The following TBCK variants were observed in gnomAD, a reference collection of about 807,000 sequenced individuals.
The protein encoded by TBCK is TBC1 domain containing kinase.
TBCK carries 99 observed loss-of-function variants against 113.4 expected under a neutral mutation model. The observed-to-expected ratio is 0.87, with a 90% CI of 0.74 to 1.03. The LOEUF (loss-of-function observed/expected upper bound fraction) is 1.03, where lower values mean the gene tolerates loss of function less well. Ranked by LOEUF, TBCK falls within the 50% of genes least tolerant of loss-of-function variation. The pLI, the probability that TBCK is intolerant of heterozygous loss-of-function variation, is 0.00. For synonymous variants in TBCK, 369 were observed against 370.8 expected (o/e 1.00, Z 0.05); for missense variants, 1,045 against 1,061.3 (o/e 0.98, Z 0.21).
chr4:106,313,939 T>C (rs1361999690), intron 1 of TBCK, among the ~76,000 whole-genome samples: 1 of 152,184 alleles, frequency 6.6e-6, no homozygotes, highest in Admixed American at 6.5e-5. Flanking sequence ...TAAAAACCCA[T>C]TTGACCTTGA....
At chr4:106,114,590 C>T (rs1030650823) in intron 24 of TBCK, among the ~76,000 whole-genome samples, 19 of 152,162 alleles carry the variant, frequency 1.2e-4, no homozygotes, top group African/African-American at 4.1e-4. Context: ...TCCTCTAGCC[C>T]GCTTTTTCAC....
chr4:106,108,474 G>A (rs1742443244), intron 24 of TBCK, among the ~76,000 whole-genome samples: 1 of 152,092 alleles, frequency 6.6e-6, no homozygotes, highest in Non-Finnish European at 1.5e-5. Context: ...CAATAAATGT[G>A]ATTCATTACA....
chr4:106,116,061 G>A, intron 24 of TBCK, 142 bp downstream of exon 24: 2 of 699,940 alleles, frequency 2.9e-6, no homozygotes, highest in South Asian at 4.5e-5. Context: ...AGACCATTCT[G>A]GCATCCAGTT....
chr4:106,257,306 T>C (rs974842187), intron 5 of TBCK, among the ~76,000 whole-genome samples: 2 of 152,174 alleles, frequency 1.3e-5, no homozygotes, highest in African/African-American at 4.8e-5. Context: ...ACCAGTTAGA[T>C]TAAATTATGT....
At chr4:106,131,976 T>C (rs998672503) in intron 23 of TBCK, among the ~76,000 whole-genome samples, 2 of 152,118 alleles carry the variant, frequency 1.3e-5, no homozygotes, top group African/African-American at 2.4e-5. Context: ...ATAGAGATGA[T>C]TGAGGGTATC....
Position 106,046,546 on chromosome 4 carries a change from T to C in TBCK, c.*24A>G, listed in dbSNP as rs1734234350. 8 of 1,352,970 alleles carry C rather than the reference T, an allele frequency of 5.9e-6. No homozygotes were observed. Among genetic ancestry groups the C allele is most frequent in the Non-Finnish European group, 8.5e-6 (8 of 944,110 alleles). The allele number at this position is 1,352,970 out of a possible 1,614,324, so 83.8% of individuals were successfully genotyped here. A position where few individuals can be genotyped will look rare whatever the true frequency, so the allele number is the denominator to read the frequency against. Reference sequence around the variant, plus strand: ...TGTTGGTGCTGATGCCACACTAAGTTTTGGCAGTCACACTCTTGGTTCTTC... The same window carrying C: ...TGTTGGTGCTGATGCCACACTAAGTCTTGGCAGTCACACTCTTGGTTCTTC... On this transcript the variant is annotated 3_prime_UTR_variant, in exon 26 of 26. Coordinates refer to ENST00000394708, the MANE Select transcript of TBCK (RefSeq NM_001163435.3).
chr4:106,163,911 A>G (rs1750082523), intron 23 of TBCK, among the ~76,000 whole-genome samples: 1 of 152,134 alleles, frequency 6.6e-6, no homozygotes, highest in Non-Finnish European at 1.5e-5. Flanking sequence ...TTCATATTTT[A>G]ATCCAGGAAA....
At chr4:106,264,221 T>G (rs1004178511) in intron 3 of TBCK, among the ~76,000 whole-genome samples, 8 of 124,802 alleles carry the variant, frequency 6.4e-5, no homozygotes, top group Admixed American at 5.1e-4. Context: ...ATAGATAATG[T>G]GACATGTAGT....
chr4:106,193,642 TA>T lies in TBCK; in HGVS notation c.2025del (p.Phe675LeufsTer20), dbSNP rs749437743. 1.2e-6 allele frequency: 2 copies of T among 1,613,632 alleles called. No individual in the cohort carries two copies. Among genetic ancestry groups the T allele is most frequent in the Admixed American group, 1.7e-5 (1 of 59,966 alleles). On this transcript the variant is annotated frameshift_variant, in exon 22 of 26. Transcript: ENST00000394708. LOFTEE classifies it high-confidence loss of function. ...QLRDRLLANG[F>X]NECILLFSDL... ...TCGGAGAAGAGAAGAATACACTCAT[TA>T]AAGCCATTAGCCAAAAGCCGGTCCC...
chr4:106,176,889 T>A (rs886158530), intron 22 of TBCK, among the ~76,000 whole-genome samples: 1 of 151,956 alleles, frequency 6.6e-6, no homozygotes, highest in Non-Finnish European at 1.5e-5. Context: ...TCATTGGGGT[T>A]TTGATTTGCA....
chr4:106,192,413 TGCGAAACTA>T (rs149365242), intron 22 of TBCK, among the ~76,000 whole-genome samples: 6,818 of 152,132 alleles, frequency 0.045, 496 homozygotes, highest in African/African-American at 0.15. Flanking sequence ...ATTCCCAGTT[TGCGAAACTA>T]GCTTATTTAT....
At position 106,237,481 on chromosome 4, in the gene TBCK, G is replaced by A. The variant is rs537837825; in HGVS notation, c.1171-673C>T. 1.1e-3 allele frequency: 485 copies of A among 455,748 alleles called. 2 individuals are homozygous for A. Among genetic ancestry groups the A allele is most frequent in the Non-Finnish European group, 1.9e-3 (426 of 226,724 alleles). The allele number at this position is 455,748 out of a possible 1,614,324, so 28.2% of individuals were successfully genotyped here. A position where few individuals can be genotyped will look rare whatever the true frequency, so the allele number is the denominator to read the frequency against. ...CCTAAGCAAGGTGATTAAAGTTAAT[G>A]CCATCTTGCCTGCTGCTCTGCTGTT... On this transcript the variant is annotated intron_variant, in intron 12 of 25. Transcript: ENST00000394708.
In TBCK at chr4:106,233,009, T is replaced by G; in HGVS notation, c.1568A>C (p.Glu523Ala). 4 of 1,612,242 alleles carry G rather than the reference T, an allele frequency of 2.5e-6. No individual in the cohort carries two copies. Among genetic ancestry groups the G allele is most frequent in the Non-Finnish European group, 3.4e-6 (4 of 1,178,714 alleles). ...HQYDELLSSP[E>A]GHAKFRRVLK... ...TACACGCCTAAATTTTGCATGACCT[T>G]CTGGTGATGATAACAGTTCATCGTA... Residue 523 changes from glutamate (E) to alanine (A), a missense_variant, in exon 17 of 26, where the codon GAA (glutamate) becomes GCA (alanine). Glu to Ala is a moderately radical substitution (Grantham distance 107). Coordinates refer to ENST00000394708, the MANE Select transcript of TBCK (RefSeq NM_001163435.3).
At chr4:106,160,803 A>G (rs758099742) in intron 23 of TBCK, among the ~76,000 whole-genome samples, 1 of 152,084 alleles carries the variant, frequency 6.6e-6, no homozygotes, top group Non-Finnish European at 1.5e-5. Context: ...TCTTGAAGAG[A>G]TATTTATACA....
At position 106,171,124 on chromosome 4, in the gene TBCK, C is replaced by G. The variant is rs761673443; in HGVS notation, c.2206G>C (p.Glu736Gln). The G allele has an allele frequency of 4.3e-6, 7 of 1,611,612 alleles. No individual in the cohort carries two copies. The highest frequency in any genetic ancestry group is 5.1e-6 in the Non-Finnish European group (6 of 1,179,080). Residue 736 changes from glutamate to glutamine, a missense_variant, in exon 23 of 26, where the codon GAG becomes CAG. Transcript: ENST00000394708. ...TCTGTCTTTGGAGGATCTGGACACT[C>G]AGCAGAGAAATAAGGTGCCGAACTT... The part of the protein sequence containing the change: ...GRSSAPYFSA[E>Q]CPDPPKTDLS...
chr4:106,288,014 A>C (rs956984573), intron 3 of TBCK, among the ~76,000 whole-genome samples: 1 of 152,134 alleles, frequency 6.6e-6, no homozygotes. Flanking sequence ...TAAAAAAGTC[A>C]GTGGCTCAAA....
At chr4:106,083,074 G>A (rs577900828) in intron 25 of TBCK, among the ~76,000 whole-genome samples, 58 of 152,320 alleles carry the variant, frequency 3.8e-4, no homozygotes, top group African/African-American at 1.1e-3. Flanking sequence ...TAACTCTTGC[G>A]GGGAGAGGCG....
At chr4:106,216,464 C>A (rs143999404) in intron 19 of TBCK, among the ~76,000 whole-genome samples, 21,466 of 151,696 alleles carry the variant, frequency 0.14, 1,705 homozygotes, top group South Asian at 0.25. Flanking sequence ...ATTGATAGAC[C>A]GCTAGCAAGA....
At chr4:106,125,055 T>C (rs1210421156) in intron 23 of TBCK, among the ~76,000 whole-genome samples, 1 of 151,458 alleles carries the variant, frequency 6.6e-6, no homozygotes, top group Non-Finnish European at 1.5e-5. Context: ...AAATTGCCGT[T>C]ATCAAAAAGG....
Sources: allele counts gnomAD v4.1 joint callset (sites outside exome capture counted in the v4.1 genomes callset), GRCh38; gene constraint gnomAD v4.1.1; transcripts MANE v1.5; gene names NCBI Gene and HGNC (gene_info 2026-07-23, HGNC 2026-07-21).